PRKAR1B: variants seen among roughly 807,000 people sequenced by gnomAD.
The protein encoded by PRKAR1B is protein kinase cAMP-dependent type I regulatory subunit beta.
A neutral mutation model predicts 46.5 loss-of-function variants in PRKAR1B; 22 were observed. That is an observed-to-expected ratio of 0.47 (90% CI 0.34 to 0.68). The LOEUF is 0.68. Ranked by LOEUF, PRKAR1B falls within the 30% of genes least tolerant of loss-of-function variation. The probability of loss-of-function intolerance (pLI) is 0.01; values close to 1 mark genes in which losing one functional copy is unlikely to be tolerated. For missense variants in PRKAR1B, 445 were observed against 535.6 expected (o/e 0.83, Z 1.67); for synonymous variants, 259 against 217.7 (o/e 1.19, Z -1.67).
At chr7:587,947 C>A (rs1780692462) in intron 7 of PRKAR1B, among the ~76,000 whole-genome samples, 1 of 152,238 alleles carries the variant, frequency 6.6e-6, no homozygotes, top group African/African-American at 2.4e-5. Flanking sequence ...GCGCAAGTCC[C>A]CGAGGCACAG....
intron 2 of PRKAR1B, among the ~76,000 whole-genome samples, chr7:687,903 C>T (rs1779181007): frequency 6.6e-6 from 1 of 151,334 alleles, no homozygotes; most frequent in Non-Finnish European, 1.5e-5. Flanking sequence ...CAAGACCAGC[C>T]TGGCCAATAT....
At chr7:562,797 G>T (rs1778883672) in intron 9 of PRKAR1B, among the ~76,000 whole-genome samples, 1 of 152,154 alleles carries the variant, frequency 6.6e-6, no homozygotes, top group Non-Finnish European at 1.5e-5. Flanking sequence ...AGGCCATGGG[G>T]TCCATGCCCC....
At chr7:721,504 C>T (rs1781070743) in intron 1 of PRKAR1B, among the ~76,000 whole-genome samples, 2 of 152,128 alleles carry the variant, frequency 1.3e-5, no homozygotes, top group Admixed American at 6.5e-5. Context: ...AAAAAATACT[C>T]GGGCATGGTG....
chr7:607,493 C>T (rs371840421), intron 4 of PRKAR1B, 41 bp from the exon 5 acceptor site: 1 of 1,561,932 alleles, frequency 6.4e-7, no homozygotes, highest in Non-Finnish European at 8.8e-7. Context: ...GCAGGCAGCA[C>T]AGGGACATTT....
At chr7:719,145 T>C (rs1401188098) in intron 1 of PRKAR1B, among the ~76,000 whole-genome samples, 2 of 152,188 alleles carry the variant, frequency 1.3e-5, no homozygotes, top group Non-Finnish European at 2.9e-5. Flanking sequence ...GCTTAAGCAA[T>C]TCTCCTGTCT....
chr7:613,789 C>T (rs1157969919), intron 4 of PRKAR1B, among the ~76,000 whole-genome samples: 2 of 152,276 alleles, frequency 1.3e-5, no homozygotes, highest in South Asian at 2.1e-4. Context: ...CCGCTCCGGG[C>T]CTCCCGAGCC....
intron 4 of PRKAR1B, among the ~76,000 whole-genome samples, chr7:637,081 T>C (rs1475382153): frequency 6.6e-6 from 1 of 152,070 alleles, no homozygotes; most frequent in East Asian, 1.9e-4. Context: ...AGCTCAGGAC[T>C]TTGAGACCAG....
intron 2 of PRKAR1B, among the ~76,000 whole-genome samples, chr7:698,334 G>A (rs1039271967): frequency 6.6e-6 from 1 of 152,330 alleles, no homozygotes. Flanking sequence ...GGGGCAGAGT[G>A]TACACAGGAG....
chr7:662,366 A>G (rs1170854460), intron 4 of PRKAR1B, among the ~76,000 whole-genome samples: 4 of 116,794 alleles, frequency 3.4e-5, no homozygotes, highest in Non-Finnish European at 5.3e-5. Context: ...CCCCACCCCA[A>G]CGGGTCCAAA....
intron 9 of PRKAR1B, among the ~76,000 whole-genome samples, chr7:558,203 G>A (rs920908631): frequency 6.6e-6 from 1 of 151,596 alleles, no homozygotes; most frequent in Non-Finnish European, 1.5e-5. Flanking sequence ...GCATGTGCCT[G>A]TGGTCCCAGC....
intron 4 of PRKAR1B, among the ~76,000 whole-genome samples, chr7:670,691 C>T (rs1379337395): frequency 6.6e-5 from 9 of 137,144 alleles, no homozygotes; most frequent in Middle Eastern, 5.4e-3. Context: ...GGACGGCCTC[C>T]GAGCTCCCCC....
At chr7:643,833 G>A (rs1026009759) in intron 4 of PRKAR1B, among the ~76,000 whole-genome samples, 1 of 152,152 alleles carries the variant, frequency 6.6e-6, no homozygotes, top group Non-Finnish European at 1.5e-5. Context: ...TCAAGCCCCC[G>A]TGAGGCCTTA....
At chr7:627,047 G>A (rs1240334794) in intron 4 of PRKAR1B, among the ~76,000 whole-genome samples, 1 of 152,138 alleles carries the variant, frequency 6.6e-6, no homozygotes, top group Non-Finnish European at 1.5e-5. Context: ...ACTACTTTTT[G>A]TATTTTTAGT....
intron 5 of PRKAR1B, among the ~76,000 whole-genome samples, chr7:606,767 C>CAT (rs1554291781): frequency 1.2e-4 from 18 of 148,374 alleles, no homozygotes; most frequent in Admixed American, 9.4e-4. Flanking sequence ...GAATTTTATG[C>CAT]GTGTGTGTGT....
Position 550,612 on chromosome 7 carries a change from G to C in PRKAR1B, c.974-10C>G, listed in dbSNP as rs1282184428. 1.9e-6 allele frequency: 3 copies of C among 1,546,752 alleles called. No homozygotes were observed. The highest frequency in any genetic ancestry group is 8.7e-7 in the Non-Finnish European group (1 of 1,151,280). On this transcript the variant is annotated splice_polypyrimidine_tract_variant and intron_variant, in intron 10 of 10. Transcript: ENST00000537384. Reference sequence around the variant, plus strand: ...AGCAGTGCAATCTCCCCTGGGGGTTGAAGAGAGAGGTCAGGGCTGGGCCTG... The same window carrying C: ...AGCAGTGCAATCTCCCCTGGGGGTTCAAGAGAGAGGTCAGGGCTGGGCCTG...
chr7:675,511 A>C (rs1786532291), intron 4 of PRKAR1B, among the ~76,000 whole-genome samples: 2 of 152,254 alleles, frequency 1.3e-5, no homozygotes, highest in African/African-American at 4.8e-5. Flanking sequence ...AAAGAATTAT[A>C]ATTTGTCAAA....
intron 1 of PRKAR1B, among the ~76,000 whole-genome samples, chr7:711,832 T>G (rs1780649333): frequency 6.7e-6 from 1 of 149,096 alleles, no homozygotes; most frequent in African/African-American, 2.5e-5. Flanking sequence ...GGATTCCGGG[T>G]GGGAAGAGTG....
chr7:607,292 G>A, intron 5 of PRKAR1B, 99 bp downstream of exon 5: 2 of 1,176,866 alleles, frequency 1.7e-6, no homozygotes, highest in Non-Finnish European at 2.5e-6. Flanking sequence ...GGGATTACAG[G>A]CGTGGGCCAT....
rs956724008 is a variant in PRKAR1B, at chr7:549,994, C to T, written c.*436G>A. On this transcript the variant is annotated 3_prime_UTR_variant, in exon 11 of 11. Coordinates refer to ENST00000537384, the MANE Select transcript of PRKAR1B (RefSeq NM_001164760.2). Reference sequence around the variant, plus strand: ...GCCTCATCTCCCCTGGGGGGCAGCCCCTTTTGACACACTTGCCCACACTCA... The same window carrying T: ...GCCTCATCTCCCCTGGGGGGCAGCCTCTTTTGACACACTTGCCCACACTCA... 2 of 168,776 alleles carry T rather than the reference C, an allele frequency of 1.2e-5. No homozygotes were observed. Among genetic ancestry groups the T allele is most frequent in the South Asian group, 1.4e-4 (1 of 6,964 alleles). 10.5% of individuals were successfully genotyped at this position (168,776 alleles called of 1,614,324 possible). A position where few individuals can be genotyped will look rare whatever the true frequency, so the allele number is the denominator to read the frequency against.
Sources: allele counts gnomAD v4.1 joint callset (sites outside exome capture counted in the v4.1 genomes callset), GRCh38; gene constraint gnomAD v4.1.1; transcripts MANE v1.5; gene names NCBI Gene and HGNC (gene_info 2026-07-23, HGNC 2026-07-21).